The following NDRG3 variants were observed in gnomAD, a reference collection of about 807,000 sequenced individuals.
NDRG3 encodes protein NDRG3.
Under a neutral mutation model 57.2 loss-of-function variants are expected in NDRG3, and 23 were observed. That is an observed-to-expected ratio of 0.40 (90% confidence interval 0.29 to 0.57). NDRG3 has a LOEUF of 0.57. Among genes scored for constraint, NDRG3 ranks in the 20% least tolerant of loss-of-function variants. NDRG3 has a pLI of 0.42. For missense variants in NDRG3, 384 were observed against 457.3 expected (o/e 0.84, Z 1.46); for synonymous variants, 132 against 162.6 (o/e 0.81, Z 1.43).
At chr20:36,665,335 G>A in intron 10 of NDRG3, 34 bp from the exon 11 acceptor site, 6 of 1,602,330 alleles carry the variant, frequency 3.7e-6, no homozygotes, top group Non-Finnish European at 5.1e-6. Flanking sequence ...TGCCCTTTTT[G>A]GGTAAAGTCA....
At chr20:36,666,962 T>C (rs1001285339) in intron 9 of NDRG3, among the ~76,000 whole-genome samples, 45 of 152,000 alleles carry the variant, frequency 3.0e-4, no homozygotes, top group Admixed American at 1.5e-3. Flanking sequence ...GCCTCCTGAA[T>C]AGCTGGGATT....
At chr20:36,684,154 GC>G (rs1172402093) in intron 6 of NDRG3, among the ~76,000 whole-genome samples, 1 of 152,142 alleles carries the variant, frequency 6.6e-6, no homozygotes, top group East Asian at 1.9e-4. Flanking sequence ...CTAGGTCTCA[GC>G]GTGTGTGCCA....
intron 12 of NDRG3, among the ~76,000 whole-genome samples, chr20:36,664,317 C>T (rs1181195555): frequency 6.6e-6 from 1 of 152,030 alleles, no homozygotes; most frequent in Non-Finnish European, 1.5e-5. Context: ...TGATTTTCCC[C>T]TCATCCTTCT....
intron 3 of NDRG3, among the ~76,000 whole-genome samples, chr20:36,692,992 T>C (rs1269112849): frequency 7.0e-6 from 1 of 143,224 alleles, no homozygotes; most frequent in Non-Finnish European, 1.5e-5. Flanking sequence ...GGAGAATGGC[T>C]TGAGCCCAGG....
chr20:36,724,912 G>T (rs1270116863), intron 1 of NDRG3, among the ~76,000 whole-genome samples: 1 of 152,126 alleles, frequency 6.6e-6, no homozygotes, highest in Non-Finnish European at 1.5e-5. Flanking sequence ...CTGGGCAACA[G>T]AACAAGACTC....
At chr20:36,660,718 G>A (rs976983285) in intron 12 of NDRG3, among the ~76,000 whole-genome samples, 1 of 151,918 alleles carries the variant, frequency 6.6e-6, no homozygotes, top group African/African-American at 2.4e-5. Context: ...CCGCTACCAC[G>A]CCCGGCTAAT....
Position 36,746,066 on chromosome 20 carries a change from T to A in NDRG3, c.-70A>T, listed in dbSNP as rs1385099534. ...TCACCTGAGGCGCGGGCACCCGCCG[T>A]CAGTGCAGCAGCAGCGGCGGCGGCG... On this transcript the variant is annotated 5_prime_UTR_variant, in exon 1 of 16. Coordinates refer to ENST00000349004, the MANE Select transcript of NDRG3 (RefSeq NM_032013.4). 4 of 334,158 alleles carry A rather than the reference T, an allele frequency of 1.2e-5. No homozygotes were observed. Among genetic ancestry groups the A allele is most frequent in the Non-Finnish European group, 2.1e-5 (4 of 191,680 alleles). The allele number at this position is 334,158 out of a possible 1,614,324, so 20.7% of individuals were successfully genotyped here.
intron 4 of NDRG3, 114 bp from the exon 5 acceptor site, chr20:36,687,726 C>T: frequency 8.0e-7 from 1 of 1,250,720 alleles, no homozygotes; most frequent in Non-Finnish European, 1.1e-6. Flanking sequence ...CACCATTCCA[C>T]CAAAGTGAGG....
At chr20:36,732,233 G>C (rs1366793175) in intron 1 of NDRG3, among the ~76,000 whole-genome samples, 4 of 152,172 alleles carry the variant, frequency 2.6e-5, no homozygotes, top group Non-Finnish European at 5.9e-5. Context: ...GGCTTTAAAA[G>C]ATTAACAAGA....
intron 3 of NDRG3, among the ~76,000 whole-genome samples, chr20:36,697,347 C>G (rs1032244385): frequency 4.6e-5 from 7 of 152,260 alleles, no homozygotes; most frequent in Admixed American, 1.3e-4. Flanking sequence ...ATTTCTCTTC[C>G]TTACTAATAT....
intron 7 of NDRG3, among the ~76,000 whole-genome samples, chr20:36,681,150 A>G (rs1163326186): frequency 2.0e-5 from 3 of 152,220 alleles, no homozygotes; most frequent in Admixed American, 6.5e-5. Context: ...GCAAAGATCT[A>G]TATGCAGTTG....
At chr20:36,680,108 G>A (rs913751673) in intron 8 of NDRG3, among the ~76,000 whole-genome samples, 1 of 151,888 alleles carries the variant, frequency 6.6e-6, no homozygotes, top group African/African-American at 2.4e-5. Context: ...ACAGGCATGA[G>A]CCACCGTGCC....
In NDRG3 at chr20:36,688,769, T is replaced by TGTCCTGTAACAAGAGGACATG. The variant is rs1242544898; in HGVS notation, c.108_109insCATGTCCTCTTGTTACAGGAC (p.Glu36_Thr37insHisValLeuLeuLeuGlnAsp). Reference sequence around the variant, plus strand: ...GTGACGTGGACCACACCATGAGTTGTTTCTATATCATGTTCCTGTAACAAG... The same window carrying TGTCCTGTAACAAGAGGACATG: ...GTGACGTGGACCACACCATGAGTTGTGTCCTGTAACAAGAGGACATGTTCTATATCATGTTCCTGTAACAAG... On this transcript the variant is annotated inframe_insertion, in exon 4 of 16. Transcript: ENST00000349004. The TGTCCTGTAACAAGAGGACATG allele has an allele frequency of 1.2e-6, 2 of 1,613,040 alleles. No individual in the cohort carries two copies. The highest frequency in any genetic ancestry group is 1.7e-6 in the Non-Finnish European group (2 of 1,179,110).
chr20:36,683,708 A>G (rs1981531797), intron 6 of NDRG3, among the ~76,000 whole-genome samples: 1 of 151,250 alleles, frequency 6.6e-6, no homozygotes, highest in African/African-American at 2.4e-5. Flanking sequence ...ACACACACAC[A>G]CACACATATA....
chr20:36,717,678 G>A (rs1044823458), intron 2 of NDRG3, among the ~76,000 whole-genome samples: 7 of 152,076 alleles, frequency 4.6e-5, no homozygotes, highest in African/African-American at 1.7e-4. Context: ...TAAAGCACTT[G>A]GCACATAAGA....
At chr20:36,654,715 A>G (rs1027816172) in intron 15 of NDRG3, 25 of 771,312 alleles carry the variant, frequency 3.2e-5, no homozygotes, top group Non-Finnish European at 5.6e-5. Context: ...CTCTCACTGC[A>G]TAGGAAGACC....
At chr20:36,680,351 G>T (rs1025848507) in intron 8 of NDRG3, among the ~76,000 whole-genome samples, 1 of 151,764 alleles carries the variant, frequency 6.6e-6, no homozygotes, top group Non-Finnish European at 1.5e-5. Context: ...GCCGGGCATG[G>T]TGGTGGGCAC....
chr20:36,720,834 A>G (rs1049566265), intron 2 of NDRG3, among the ~76,000 whole-genome samples: 2 of 148,536 alleles, frequency 1.3e-5, no homozygotes, highest in African/African-American at 2.5e-5. Context: ...GCAGTGGCGC[A>G]GTCTTGGCTC....
At chr20:36,683,243 C>CA (rs991523479) in intron 6 of NDRG3, among the ~76,000 whole-genome samples, 10 of 149,704 alleles carry the variant, frequency 6.7e-5, no homozygotes, top group South Asian at 2.1e-4. Context: ...GACTCTGTCT[C>CA]AAAAAAAACA....
Sources: gnomAD v4.1 joint callset for allele counts (sites outside exome capture counted in the v4.1 genomes callset) on GRCh38, gnomAD v4.1.1 for gene constraint, MANE v1.5 for transcripts, NCBI Gene and HGNC (gene_info 2026-07-23, HGNC 2026-07-21) for gene names.